RIIAD1: variants seen among roughly 807,000 people sequenced by gnomAD.
RIIAD1 encodes RIIa domain-containing protein 1.
In RIIAD1, 15 loss-of-function variants were observed where a neutral mutation model predicts 13.3. That is an observed-to-expected ratio of 1.13 (90% confidence interval 0.76 to 1.74). The LOEUF is 1.74. Among genes scored for constraint, RIIAD1 ranks in the 40% most tolerant of loss-of-function variants. RIIAD1 has a pLI of 0.00. For missense variants in RIIAD1, 121 were observed against 112.2 expected (o/e 1.08, Z -0.35); for synonymous variants, 50 against 43.3 (o/e 1.16, Z -0.61).
At chr1:151,726,616 T>A (rs886901874) in intron 2 of RIIAD1, among the ~76,000 whole-genome samples, 1 of 152,214 alleles carries the variant, frequency 6.6e-6, no homozygotes, top group African/African-American at 2.4e-5. Flanking sequence ...AAATCATTAA[T>A]CTTTTGAAGG....
At chr1:151,717,159 C>T (rs140333975), upstream of RIIAD1, among the ~76,000 whole-genome samples, 220 of 152,120 alleles carry the variant, frequency 1.4e-3, 1 homozygote, top group African/African-American at 5.1e-3. Flanking sequence ...AAGAGGGGAG[C>T]CCGGCATCTG....
At chr1:151,722,184 G>A (rs998853867) in intron 2 of RIIAD1, 22 bp downstream of exon 2, 3 of 1,471,194 alleles carry the variant, frequency 2.0e-6, no homozygotes, top group Non-Finnish European at 2.8e-6. Flanking sequence ...TCCAGGCTCT[G>A]GGATTTGTGG....
At chr1:151,716,221 G>A (rs1490086359) in intron 4 of RIIAD1, 2 of 540,864 alleles carry the variant, frequency 3.7e-6, no homozygotes, top group East Asian at 5.9e-5. Flanking sequence ...AGGGGTCAGG[G>A]GTCTAGGCAG....
upstream of RIIAD1, among the ~76,000 whole-genome samples, chr1:151,717,333 C>T (rs1187024767): frequency 6.6e-6 from 1 of 152,174 alleles, no homozygotes; most frequent in East Asian, 1.9e-4. Flanking sequence ...TGGAAAGGGA[C>T]GTGGAGAAGG....
At chr1:151,721,460 C>A, upstream of RIIAD1, 1 of 882,832 alleles carries the variant, frequency 1.1e-6, no homozygotes, top group Non-Finnish European at 1.5e-6. Flanking sequence ...GCTGAAGGGG[C>A]CGGGCTTGGG....
chr1:151,726,947 T>C (rs1490420115), intron 2 of RIIAD1, among the ~76,000 whole-genome samples: 4 of 152,190 alleles, frequency 2.6e-5, no homozygotes, highest in African/African-American at 9.7e-5. Flanking sequence ...GGCCGGCATG[T>C]TCTTCATCTT....
chr1:151,716,161 A>T, intron 4 of RIIAD1: 1 of 804,630 alleles, frequency 1.2e-6, no homozygotes, highest in Non-Finnish European at 1.9e-6. Flanking sequence ...CCACGCTGCT[A>T]AGCAGAGGGG....
chr1:151,716,966 G>T (rs914209171), upstream of RIIAD1, among the ~76,000 whole-genome samples: 1 of 151,814 alleles, frequency 6.6e-6, no homozygotes, highest in African/African-American at 2.4e-5. Flanking sequence ...CTCCCTTCCC[G>T]CCCCCAGAAG....
At chr1:151,715,639 T>C in intron 4 of RIIAD1, 1 of 1,493,090 alleles carries the variant, frequency 6.7e-7, no homozygotes, top group Non-Finnish European at 8.9e-7. Context: ...GGGATCCACA[T>C]CTTTGCAGCC....
At chr1:151,716,605 C>T (rs1209322051), upstream of RIIAD1, 1 of 349,562 alleles carries the variant, frequency 2.9e-6, no homozygotes, top group Non-Finnish European at 5.9e-6. Flanking sequence ...TGCTTGATCT[C>T]TGATGGCGGC....
At chr1:151,727,660 C>A (rs575340929) in intron 3 of RIIAD1, 39 bp downstream of exon 3, 9 of 1,383,276 alleles carry the variant, frequency 6.5e-6, no homozygotes, top group Middle Eastern at 1.8e-4. Context: ...TCTGACAAAG[C>A]CAGCGCAGGG....
chr1:151,722,112 G>A lies in RIIAD1; in HGVS notation c.111G>A (p.Lys37=). The A allele has an allele frequency of 1.3e-6, 2 of 1,551,374 alleles. No homozygotes were observed. Among genetic ancestry groups the A allele is most frequent in the Non-Finnish European group, 8.7e-7 (1 of 1,146,740 alleles). ...FKIQTRIANE[K]YLRTHKEVEW... ...TTCAGACTCGGATTGCTAACGAAAA[G>A]TACCTAAGGACCCACAAAGAAGTAG... The change falls in exon 2 of 5, where the codon AAG becomes AAA. Residue 37 remains lysine, a synonymous_variant. Coordinates refer to ENST00000479191, the MANE Select transcript of RIIAD1 (RefSeq NM_001144956.3).
chr1:151,714,802 G>A, intron 4 of RIIAD1: 1 of 706,744 alleles, frequency 1.4e-6, no homozygotes. Flanking sequence ...CTGCCTGCTG[G>A]GGTAGAGAGG....
intron 2 of RIIAD1, among the ~76,000 whole-genome samples, chr1:151,712,434 C>G (rs569125432): frequency 2.6e-5 from 4 of 152,182 alleles, no homozygotes; most frequent in Non-Finnish European, 5.9e-5. Flanking sequence ...TCCCGGCGTC[C>G]CAGACCACTC....
intron 2 of RIIAD1, 35 bp downstream of exon 2, chr1:151,722,197 C>T (rs957322681): frequency 5.2e-6 from 7 of 1,356,316 alleles, no homozygotes; most frequent in Non-Finnish European, 7.2e-6. Context: ...ATTTGTGGCA[C>T]GCAGGGTTTT....
intron 2 of RIIAD1, among the ~76,000 whole-genome samples, chr1:151,712,921 G>A (rs927731240): frequency 6.6e-6 from 1 of 152,110 alleles, no homozygotes; most frequent in Non-Finnish European, 1.5e-5. Context: ...ACACACTCAT[G>A]CATGCACACA....
intron 2 of RIIAD1, among the ~76,000 whole-genome samples, chr1:151,726,260 T>A (rs1457757125): frequency 1.3e-5 from 2 of 152,204 alleles, no homozygotes; most frequent in Non-Finnish European, 2.9e-5. Context: ...TATTTAATAC[T>A]CCTCTTTAGC....
intron 2 of RIIAD1, among the ~76,000 whole-genome samples, chr1:151,722,992 G>A (rs1007162531): frequency 4.6e-5 from 7 of 152,250 alleles, no homozygotes; most frequent in Non-Finnish European, 7.3e-5. Context: ...TGCTGAACCA[G>A]GATTCAAACC....
chr1:151,716,522 C>T (rs1426604816), upstream of RIIAD1: 2 of 327,194 alleles, frequency 6.1e-6, no homozygotes, highest in South Asian at 4.8e-5. Flanking sequence ...GTGAATCTCT[C>T]GTTGGCTTCC....
Sources: allele counts gnomAD v4.1 joint callset (sites outside exome capture counted in the v4.1 genomes callset), GRCh38; gene constraint gnomAD v4.1.1; transcripts MANE v1.5; gene names NCBI Gene and HGNC (gene_info 2026-07-23, HGNC 2026-07-21).